RYR3: variants seen among roughly 807,000 people sequenced by gnomAD.
RYR3 encodes brain ryanodine receptor-calcium release channel.
In RYR3, 207 loss-of-function variants were observed where a neutral mutation model predicts 584.3. The observed-to-expected ratio is 0.35, with a 90% CI of 0.32 to 0.40. The LOEUF (loss-of-function observed/expected upper bound fraction) is 0.40, where lower values mean the gene tolerates loss of function less well. RYR3 is among the 10% of genes least tolerant of loss of function. RYR3 has a pLI of 1.00. For missense variants in RYR3, 5,616 were observed against 6,089.2 expected, an observed-to-expected ratio of 0.92 and a Z score of 2.59; for synonymous variants, 2,416 against 2,248.5, an observed-to-expected ratio of 1.07 and a Z score of -2.11.
chr15:33,713,789 A>G (rs1354155911), intron 43 of RYR3, among the ~76,000 whole-genome samples: 1 of 152,104 alleles, frequency 6.6e-6, no homozygotes, highest in African/African-American at 2.4e-5. Flanking sequence ...TGGTTCATAG[A>G]TGGTGCCTTC....
At chr15:33,759,364 G>A (rs980874384) in intron 60 of RYR3, among the ~76,000 whole-genome samples, 2 of 152,200 alleles carry the variant, frequency 1.3e-5, no homozygotes, top group Non-Finnish European at 2.9e-5. Flanking sequence ...AAAGGAGCAT[G>A]TTCTCGCCCA....
intron 1 of RYR3, among the ~76,000 whole-genome samples, chr15:33,365,589 G>A (rs1472201837): frequency 6.6e-6 from 1 of 152,142 alleles, no homozygotes; most frequent in African/African-American, 2.4e-5. Flanking sequence ...CTTAAGTTCA[G>A]CAAAAATAAG....
At chr15:33,651,978 C>T (rs1183895941) in intron 31 of RYR3, among the ~76,000 whole-genome samples, 3 of 152,200 alleles carry the variant, frequency 2.0e-5, no homozygotes, top group African/African-American at 7.2e-5. Flanking sequence ...TGAAATCCTA[C>T]AATTGGGGAA....
intron 53 of RYR3, among the ~76,000 whole-genome samples, chr15:33,747,872 C>T (rs1346763257): frequency 6.6e-6 from 1 of 152,208 alleles, no homozygotes; most frequent in African/African-American, 2.4e-5. Context: ...TAGATAATGT[C>T]ATTAATAATG....
intron 27 of RYR3, among the ~76,000 whole-genome samples, chr15:33,639,081 G>T (rs929050311): frequency 6.6e-6 from 1 of 152,160 alleles, no homozygotes; most frequent in African/African-American, 2.4e-5. Context: ...GGAAATGAGG[G>T]GCCATTATGG....
intron 2 of RYR3, among the ~76,000 whole-genome samples, chr15:33,489,476 G>A (rs2050783913): frequency 6.6e-6 from 1 of 152,146 alleles, no homozygotes; most frequent in Non-Finnish European, 1.5e-5. Context: ...TGCTTTTCCT[G>A]CATTAGTTTA....
At chr15:33,852,398 A>ATCATC (rs2079196576) in intron 94 of RYR3, 1 of 152,246 alleles carries the variant, frequency 6.6e-6, no homozygotes, top group Non-Finnish European at 1.5e-5. Flanking sequence ...GAGAAGAAAG[A>ATCATC]TCATCTCTCT....
rs1254141617 is a variant in RYR3 at position 33,652,977 on chromosome 15, G to A, written c.4308+94G>A. On this transcript the variant is annotated intron_variant, in intron 32 of 103. Transcript: ENST00000634891. ...CTCCGTACTCAGCATTCCTGCCACA[G>A]TGTGTCAAGCTGATGAGCCCATGTG... The A allele has an allele frequency of 4.5e-6, 6 of 1,341,654 alleles. No individual in the cohort carries two copies. The African/African-American group carries it at 5.9e-5, about 13-fold the overall frequency. 83.1% of individuals were successfully genotyped at this position (1,341,654 alleles called of 1,614,324 possible).
intron 12 of RYR3, among the ~76,000 whole-genome samples, chr15:33,576,682 A>G (rs984369531): frequency 7.2e-5 from 11 of 152,358 alleles, no homozygotes; most frequent in African/African-American, 2.6e-4. Context: ...AAAAGCTGGA[A>G]GCATTCCCCC....
Position 33,718,336 on chromosome 15 carries a change from A to G in RYR3, c.6620-4379A>G, listed in dbSNP as rs370026219. ...TTCCAAGTCTCTGCCTTGAGTCTCA[A>G]TAAAGTCTATTGACTTATTGAAGAA... On this transcript the variant is annotated intron_variant, in intron 43 of 103. Coordinates refer to ENST00000634891, the MANE Select transcript of RYR3 (RefSeq NM_001036.6). Among the ~76,000 whole-genome samples the G allele has an allele frequency of 5.1e-4, 77 of 152,334 alleles. 1 individual carries two copies. The South Asian group carries it at 0.016, about 31-fold the overall frequency.
intron 91 of RYR3, among the ~76,000 whole-genome samples, chr15:33,842,254 G>C (rs1242669195): frequency 6.6e-6 from 1 of 152,236 alleles, no homozygotes; most frequent in East Asian, 1.9e-4. Flanking sequence ...CAGCAGCTCT[G>C]CTATCAGCAG....
At chr15:33,563,320 C>A (rs1267786444) in intron 11 of RYR3, among the ~76,000 whole-genome samples, 3 of 152,194 alleles carry the variant, frequency 2.0e-5, no homozygotes, top group African/African-American at 4.8e-5. Flanking sequence ...TTATCCACAT[C>A]ATTGCTGCCT....
At chr15:33,463,131 T>TCCAG (rs1333859519) in intron 1 of RYR3, among the ~76,000 whole-genome samples, 1 of 151,656 alleles carries the variant, frequency 6.6e-6, no homozygotes, top group Non-Finnish European at 1.5e-5. Context: ...ACCACTGCAC[T>TCCAG]CCAGCCTGGG....
At chr15:33,435,759 C>T (rs555518769) in intron 1 of RYR3, among the ~76,000 whole-genome samples, 5 of 152,276 alleles carry the variant, frequency 3.3e-5, no homozygotes, top group Admixed American at 2.6e-4. Flanking sequence ...GCTGCAGACC[C>T]TCGCAGTGTT....
chr15:33,836,201 A>AGG (rs550579772), intron 87 of RYR3, among the ~76,000 whole-genome samples: 19 of 116,124 alleles, frequency 1.6e-4, no homozygotes, highest in African/African-American at 6.4e-4. Context: ...TTTTTTTGTG[A>AGG]GGGGGGGGTC....
chr15:33,434,652 G>A (rs915191372), intron 1 of RYR3, among the ~76,000 whole-genome samples: 27 of 152,194 alleles, frequency 1.8e-4, no homozygotes, highest in African/African-American at 6.0e-4. Context: ...TTGCTATTCA[G>A]CTAAAGTAAC....
intron 4 of RYR3, among the ~76,000 whole-genome samples, chr15:33,532,653 A>G (rs1316090208): frequency 6.6e-6 from 1 of 152,160 alleles, no homozygotes; most frequent in Non-Finnish European, 1.5e-5. Context: ...TAGCTTTATT[A>G]TTATTGTTGG....
chr15:33,354,766 G>A (rs144148813), intron 1 of RYR3, among the ~76,000 whole-genome samples: 270 of 152,274 alleles, frequency 1.8e-3, no homozygotes, highest in Non-Finnish European at 3.1e-3. Context: ...TTTCCGTGAT[G>A]CTCAATTTCC....
At chr15:33,501,893 A>G (rs567451394) in intron 2 of RYR3, among the ~76,000 whole-genome samples, 6 of 152,314 alleles carry the variant, frequency 3.9e-5, no homozygotes, top group African/African-American at 1.4e-4. Context: ...CAGACTTTGA[A>G]AACAAAGGGA....
Sources: gnomAD v4.1 joint callset for allele counts (sites outside exome capture counted in the v4.1 genomes callset) on GRCh38, gnomAD v4.1.1 for gene constraint, MANE v1.5 for transcripts, NCBI Gene and HGNC (gene_info 2026-07-23, HGNC 2026-07-21) for gene names.